The following MOBP variants were observed in gnomAD, a reference collection of about 807,000 sequenced individuals.
The protein encoded by MOBP is myelin associated oligodendrocyte basic protein.
A neutral mutation model predicts 15.0 loss-of-function variants in MOBP; 5 were observed. The observed-to-expected ratio is 0.33, with a 90% CI of 0.17 to 0.70. The LOEUF (loss-of-function observed/expected upper bound fraction) is 0.70. Ranked by LOEUF, MOBP falls within the 30% of genes least tolerant of loss-of-function variation. MOBP has a pLI of 0.67. For synonymous variants in MOBP, 88 were observed against 99.0 expected (o/e 0.89, Z 0.66); for missense variants, 188 against 257.8 (o/e 0.73, Z 1.85).
chr3:39,499,928 C>T (rs914442231), intron 2 of MOBP: 9 of 429,176 alleles, frequency 2.1e-5, no homozygotes, highest in Non-Finnish European at 4.2e-5. Flanking sequence ...CATGAAGTTT[C>T]ACCTTGTTCT....
chr3:39,486,487 A>G (rs2042712472), intron 2 of MOBP, among the ~76,000 whole-genome samples: 1 of 152,160 alleles, frequency 6.6e-6, no homozygotes. Context: ...CCATGCTACT[A>G]TACATATGTA....
At chr3:39,486,819 AG>A (rs2125637893) in intron 2 of MOBP, among the ~76,000 whole-genome samples, 1 of 151,186 alleles carries the variant, frequency 6.6e-6, no homozygotes. Flanking sequence ...GATTTGTACG[AG>A]TTCTTTAAAT....
intron 2 of MOBP, among the ~76,000 whole-genome samples, chr3:39,485,602 G>A (rs2042690709): frequency 6.6e-6 from 1 of 152,194 alleles, no homozygotes; most frequent in Admixed American, 6.5e-5. Context: ...AATAGCTCTT[G>A]TAGAAGCACC....
At chr3:39,507,891 C>T (rs1458674477), downstream of MOBP, among the ~76,000 whole-genome samples, 1 of 152,228 alleles carries the variant, frequency 6.6e-6, no homozygotes, top group African/African-American at 2.4e-5. Flanking sequence ...CTCCACTTTC[C>T]TCGCTTTCCA....
chr3:39,494,808 G>T (rs1279340075), intron 2 of MOBP, among the ~76,000 whole-genome samples: 1 of 108,362 alleles, frequency 9.2e-6, no homozygotes, highest in African/African-American at 3.7e-5. Flanking sequence ...CGAGTTACGT[G>T]TTGTTATTAT....
downstream of MOBP, among the ~76,000 whole-genome samples, chr3:39,517,160 A>C (rs572718854): frequency 6.6e-6 from 1 of 152,332 alleles, no homozygotes; most frequent in East Asian, 1.9e-4. Flanking sequence ...GAGAATTTGC[A>C]TACTCACTCT....
At chr3:39,469,263 T>C (rs970010467) in intron 1 of MOBP, among the ~76,000 whole-genome samples, 6 of 141,652 alleles carry the variant, frequency 4.2e-5, no homozygotes, top group Non-Finnish European at 3.1e-5. Flanking sequence ...TATGTGTGTG[T>C]ATATGTATAG....
chr3:39,520,950 T>C (rs1314322419), downstream of MOBP, among the ~76,000 whole-genome samples: 1 of 150,238 alleles, frequency 6.7e-6, no homozygotes, highest in Non-Finnish European at 1.5e-5. Flanking sequence ...TCTATATTCT[T>C]TTTTTTTTTT....
At chr3:39,485,875 T>C (rs2042699820) in intron 2 of MOBP, among the ~76,000 whole-genome samples, 1 of 152,244 alleles carries the variant, frequency 6.6e-6, no homozygotes, top group Admixed American at 6.5e-5. Flanking sequence ...GTTAAGAATA[T>C]TTGTAATATG....
intron 3 of MOBP, among the ~76,000 whole-genome samples, chr3:39,522,941 G>T (rs1000714682): frequency 6.6e-6 from 1 of 152,228 alleles, no homozygotes; most frequent in Non-Finnish European, 1.5e-5. Flanking sequence ...CTAGGACCAA[G>T]TGCAAACTAA....
intron 1 of MOBP, among the ~76,000 whole-genome samples, chr3:39,472,913 C>T (rs529159284): frequency 7.3e-5 from 11 of 149,696 alleles, no homozygotes; most frequent in South Asian, 6.4e-4. Context: ...GTGACTGTCT[C>T]GAAAAGAAGA....
chr3:39,468,591 A>G (rs1008672036), intron 1 of MOBP, among the ~76,000 whole-genome samples: 1 of 152,118 alleles, frequency 6.6e-6, no homozygotes, highest in Non-Finnish European at 1.5e-5. Flanking sequence ...GGTGCAGCCA[A>G]ATTACCCAGA....
chr3:39,509,841 G>C (rs951451828), intron 4 of MOBP, among the ~76,000 whole-genome samples: 1 of 152,020 alleles, frequency 6.6e-6, no homozygotes, highest in African/African-American at 2.4e-5. Context: ...GGTCTACACT[G>C]TTCCCCAGGG....
chr3:39,496,488 C>T (rs909930774), intron 2 of MOBP, among the ~76,000 whole-genome samples: 4 of 150,096 alleles, frequency 2.7e-5, no homozygotes, highest in Non-Finnish European at 4.4e-5. Flanking sequence ...CGTGAGCCAC[C>T]ACGCCTGGCT....
intron 2 of MOBP, among the ~76,000 whole-genome samples, chr3:39,495,750 C>CAAA (rs1179926622): frequency 3.2e-4 from 19 of 60,168 alleles, no homozygotes; most frequent in African/African-American, 1.0e-3. Context: ...GAGACCTTGT[C>CAAA]AAAAAAAAAA....
chr3:39,477,405 C>T (rs2125628303), intron 1 of MOBP, among the ~76,000 whole-genome samples: 1 of 151,796 alleles, frequency 6.6e-6, no homozygotes, highest in East Asian at 1.9e-4. Flanking sequence ...GCTGTCATAA[C>T]ATCATAGCAC....
chr3:39,516,537 G>T (rs1206194557), downstream of MOBP, among the ~76,000 whole-genome samples: 2 of 152,142 alleles, frequency 1.3e-5, no homozygotes, highest in Admixed American at 6.5e-5. Flanking sequence ...AGATGAGGTG[G>T]CCTGTTCACA....
chr3:39,474,419 G>T (rs995878588), intron 1 of MOBP, among the ~76,000 whole-genome samples: 1 of 152,168 alleles, frequency 6.6e-6, no homozygotes, highest in East Asian at 1.9e-4. Flanking sequence ...TTGTGTGAAC[G>T]TCATAGAGTG....
At position 39,509,090 on chromosome 3, in the gene MOBP, TTG is replaced by T. The variant is rs750523209; in HGVS notation, c.*-4279_*-4278del. Among the ~76,000 whole-genome samples the T allele has an allele frequency of 4.3e-3, 390 of 90,224 alleles. 1 individual carries two copies. The highest frequency in any genetic ancestry group is 6.0e-3 in the Non-Finnish European group (243 of 40,794). The allele number at this position is 90,224 out of a possible 152,430, so 59.2% of individuals were successfully genotyped here. On this transcript the variant is annotated intron_variant, in intron 4 of 4. Transcript: ENST00000311042. ...CGTGCACATATGTGTGTGAGAGTGT[TTG>T]TGTGTGTGTGTGTATATATATATAT...
Sources: allele counts gnomAD v4.1 joint callset (sites outside exome capture counted in the v4.1 genomes callset), GRCh38; gene constraint gnomAD v4.1.1; transcripts MANE v1.5; gene names NCBI Gene and HGNC (gene_info 2026-07-23, HGNC 2026-07-21).